Variants in EPHA6 observed in about 807,000 individuals in gnomAD.
EPHA6 encodes the protein ephrin type-A receptor 6.
In EPHA6, 50 loss-of-function variants were observed where a neutral mutation model predicts 112.0. That is an observed-to-expected ratio of 0.45 (90% CI 0.36 to 0.56). The LOEUF (loss-of-function observed/expected upper bound fraction) is 0.56. EPHA6 is among the 20% of genes least tolerant of loss of function. The probability of loss-of-function intolerance (pLI) is 0.00; values close to 1 mark genes in which losing one functional copy is unlikely to be tolerated. For synonymous variants in EPHA6, 529 were observed against 490.7 expected, an observed-to-expected ratio of 1.08 and a Z score of -1.03; for missense variants, 1,280 against 1,417.4, an observed-to-expected ratio of 0.90 and a Z score of 1.56.
chr3:97,228,805 T>C (rs1487624554), intron 4 of EPHA6, among the ~76,000 whole-genome samples: 1 of 152,276 alleles, frequency 6.6e-6, no homozygotes. Flanking sequence ...CATACCGTTA[T>C]CCGTGGTAGT....
intron 14 of EPHA6, among the ~76,000 whole-genome samples, chr3:97,696,263 A>G (rs181552129): frequency 7.2e-5 from 11 of 152,330 alleles, no homozygotes; most frequent in Non-Finnish European, 8.8e-5. Context: ...GAGAGGGAGA[A>G]CAGAGAGCAG....
chr3:97,265,780 C>A (rs1030210439), intron 5 of EPHA6, among the ~76,000 whole-genome samples: 11 of 152,330 alleles, frequency 7.2e-5, no homozygotes, highest in Middle Eastern at 3.4e-3. Flanking sequence ...CTGCCACCAC[C>A]GCTTGTGCCT....
At position 97,748,586 on chromosome 3, in the gene EPHA6, G is replaced by A; in HGVS notation, c.3279-1G>A. 1 of 1,543,496 alleles carries A rather than the reference G, an allele frequency of 6.5e-7. No homozygotes were observed. The highest frequency in any genetic ancestry group is 9.0e-7 in the Non-Finnish European group (1 of 1,117,286). ...CACTCTTGCTCTCTCCTTTCTTTCA[G>A]TGACATTAGAAGAATTGGAGTCATA... On this transcript the variant is annotated splice_acceptor_variant, in intron 17 of 17. Transcript: ENST00000389672. LOFTEE classifies it high-confidence loss of function.
At chr3:97,151,373 A>C (rs543608966) in intron 3 of EPHA6, among the ~76,000 whole-genome samples, 2 of 152,298 alleles carry the variant, frequency 1.3e-5, no homozygotes, top group African/African-American at 4.8e-5. Flanking sequence ...ATTTGAGGAA[A>C]TATAAAATGT....
intron 5 of EPHA6, among the ~76,000 whole-genome samples, chr3:97,274,566 C>T (rs1248085329): frequency 6.6e-6 from 1 of 152,110 alleles, no homozygotes; most frequent in Non-Finnish European, 1.5e-5. Context: ...ATGCGTAGTC[C>T]TTTTGCAAGA....
intron 5 of EPHA6, among the ~76,000 whole-genome samples, chr3:97,284,754 A>C (rs941686196): frequency 2.0e-5 from 3 of 152,150 alleles, no homozygotes; most frequent in African/African-American, 4.8e-5. Context: ...GGTGGGAGAC[A>C]AAAAAATTCC....
At chr3:97,133,093 C>T (rs2075677880) in intron 3 of EPHA6, among the ~76,000 whole-genome samples, 1 of 151,928 alleles carries the variant, frequency 6.6e-6, no homozygotes, top group South Asian at 2.1e-4. Flanking sequence ...TTAAGAGCTT[C>T]CAGAAGTTGG....
At chr3:97,693,757 G>A (rs1159438132) in intron 14 of EPHA6, among the ~76,000 whole-genome samples, 4 of 152,242 alleles carry the variant, frequency 2.6e-5, no homozygotes, top group Middle Eastern at 3.4e-3. Flanking sequence ...GCAGTGAGCC[G>A]AGATCGCGCC....
intron 11 of EPHA6, among the ~76,000 whole-genome samples, chr3:97,564,343 G>A (rs535992834): frequency 6.6e-6 from 1 of 152,084 alleles, no homozygotes; most frequent in Admixed American, 6.5e-5. Context: ...CCATTCTGAA[G>A]TATTGCATTT....
At chr3:97,289,799 T>G (rs1432681857) in intron 5 of EPHA6, among the ~76,000 whole-genome samples, 1 of 152,102 alleles carries the variant, frequency 6.6e-6, no homozygotes, top group Admixed American at 6.5e-5. Context: ...CCTGTATTCC[T>G]ATGGATTTTA....
chr3:97,292,392 A>G (rs2080719238), intron 5 of EPHA6, among the ~76,000 whole-genome samples: 1 of 152,240 alleles, frequency 6.6e-6, no homozygotes, highest in East Asian at 1.9e-4. Flanking sequence ...TGCGGGTCCC[A>G]AGTTCTTGTC....
At chr3:97,659,750 G>A (rs2094158221) in intron 14 of EPHA6, among the ~76,000 whole-genome samples, 1 of 151,840 alleles carries the variant, frequency 6.6e-6, no homozygotes, top group Admixed American at 6.6e-5. Context: ...AAAAATAAGT[G>A]GTACTTATTA....
intron 16 of EPHA6, among the ~76,000 whole-genome samples, chr3:97,738,734 G>T (rs922835681): frequency 1.3e-5 from 2 of 152,044 alleles, no homozygotes; most frequent in African/African-American, 2.4e-5. Context: ...TATAAACTTG[G>T]CATCTTGATT....
In EPHA6 at chr3:97,519,355, T is replaced by G. The variant is rs192575576; in HGVS notation, c.2201-13003T>G. ...TCTCTATTCTGTTCCATTGGTCTGT[T>G]TTTATAGCAATACTATAATGTTTGG... On this transcript the variant is annotated intron_variant, in intron 10 of 17. Transcript: ENST00000389672. Among the ~76,000 whole-genome samples, 981 of 152,296 alleles carry G rather than the reference T, an allele frequency of 6.4e-3. 2 individuals are homozygous for G. The highest frequency in any genetic ancestry group is 0.011 in the Non-Finnish European group (745 of 68,014).
chr3:97,330,637 A>G (rs2082742763), intron 5 of EPHA6, among the ~76,000 whole-genome samples: 2 of 152,130 alleles, frequency 1.3e-5, no homozygotes, highest in African/African-American at 4.8e-5. Context: ...CAAAGATCAA[A>G]AGAGACAAAG....
intron 5 of EPHA6, among the ~76,000 whole-genome samples, chr3:97,327,609 A>G (rs1199574413): frequency 2.0e-5 from 3 of 151,870 alleles, no homozygotes; most frequent in Non-Finnish European, 4.4e-5. Context: ...CTTTTTAATA[A>G]TCACACCTCT....
At chr3:97,184,659 A>C (rs1433622826) in intron 3 of EPHA6, among the ~76,000 whole-genome samples, 1 of 152,222 alleles carries the variant, frequency 6.6e-6, no homozygotes, top group Non-Finnish European at 1.5e-5. Context: ...TTATAGATTC[A>C]ATGCCATCCC....
At chr3:97,150,506 C>T (rs772135548) in intron 3 of EPHA6, among the ~76,000 whole-genome samples, 2 of 152,062 alleles carry the variant, frequency 1.3e-5, no homozygotes, top group Non-Finnish European at 2.9e-5. Flanking sequence ...TCTAATTCTG[C>T]AAGCTCAGGG....
intron 3 of EPHA6, among the ~76,000 whole-genome samples, chr3:97,203,139 A>C (rs2077623287): frequency 6.6e-6 from 1 of 152,118 alleles, no homozygotes; most frequent in Non-Finnish European, 1.5e-5. Context: ...GGGTAAGTAA[A>C]TGTAGACTCT....
Sources: allele counts gnomAD v4.1 joint callset (sites outside exome capture counted in the v4.1 genomes callset), GRCh38; gene constraint gnomAD v4.1.1; transcripts MANE v1.5; gene names NCBI Gene and HGNC (gene_info 2026-07-23, HGNC 2026-07-21).